LINGO2: variants seen among roughly 807,000 people sequenced by gnomAD.
The protein encoded by LINGO2 is leucine rich repeat and Ig domain containing 2, also known as leucine-rich repeat and immunoglobulin-like domain-containing nogo receptor-interacting protein 2.
A neutral mutation model predicts 30.6 loss-of-function variants in LINGO2; 14 were observed. That is an observed-to-expected ratio of 0.46 (90% CI 0.30 to 0.72). The LOEUF is 0.72. LINGO2 is among the 30% of genes least tolerant of loss of function. The pLI, the probability that LINGO2 is intolerant of heterozygous loss-of-function variation, is 0.07. For synonymous variants in LINGO2, 317 were observed against 288.5 expected, an observed-to-expected ratio of 1.10 and a Z score of -1.00; for missense variants, 729 against 751.7, an observed-to-expected ratio of 0.97 and a Z score of 0.35.
chr9:29,067,570 G>A, the LINGO2 span, among the ~76,000 whole-genome samples: 1 of 151,402 alleles, frequency 6.6e-6, no homozygotes. Flanking sequence ...AAGGAAAAGT[G>A]AACACGCAAA....
the LINGO2 span, among the ~76,000 whole-genome samples, chr9:28,764,578 C>G: frequency 2.0e-5 from 3 of 151,918 alleles, no homozygotes; most frequent in African/African-American, 7.3e-5. Context: ...AGCTTTTCCT[C>G]TAGTATTTGG....
At chr9:29,169,520 G>GA in the LINGO2 span, among the ~76,000 whole-genome samples, 5 of 150,070 alleles carry the variant, frequency 3.3e-5, no homozygotes, top group African/African-American at 7.3e-5. Context: ...ACAAACATAT[G>GA]AAAAAAAAAT....
chr9:28,410,075 CA>C (rs951290807), intron 2 of LINGO2, among the ~76,000 whole-genome samples: 1 of 109,588 alleles, frequency 9.1e-6, no homozygotes, highest in Admixed American at 1.1e-4. Context: ...AAAGGAAGAA[CA>C]AAAAAAGAAA....
chr9:28,306,832 A>G (rs1482577023), intron 3 of LINGO2, among the ~76,000 whole-genome samples: 2 of 152,250 alleles, frequency 1.3e-5, no homozygotes, highest in Non-Finnish European at 2.9e-5. Flanking sequence ...AATGTAGAAG[A>G]AATGGATAAA....
the LINGO2 span, among the ~76,000 whole-genome samples, chr9:28,984,794 T>G: frequency 6.6e-6 from 1 of 152,166 alleles, no homozygotes; most frequent in African/African-American, 2.4e-5. Flanking sequence ...TTATCATTCA[T>G]GAATACAATG....
At chr9:28,773,438 G>C in the LINGO2 span, among the ~76,000 whole-genome samples, 1 of 151,860 alleles carries the variant, frequency 6.6e-6, no homozygotes, top group Non-Finnish European at 1.5e-5. Flanking sequence ...TATGGTGAGG[G>C]GTACTGTGTA....
intron 3 of LINGO2, among the ~76,000 whole-genome samples, chr9:28,336,135 T>C (rs1437864351): frequency 1.3e-5 from 2 of 152,172 alleles, no homozygotes; most frequent in African/African-American, 2.4e-5. Flanking sequence ...AGTAGATATG[T>C]AGTAGTGTCA....
At chr9:29,098,087 T>C in the LINGO2 span, among the ~76,000 whole-genome samples, 1 of 152,190 alleles carries the variant, frequency 6.6e-6, no homozygotes, top group East Asian at 1.9e-4. Flanking sequence ...ATGAATAAAA[T>C]ACCTAGGATC....
intron 4 of LINGO2, among the ~76,000 whole-genome samples, chr9:28,224,213 C>T (rs1323616203): frequency 1.3e-5 from 2 of 152,072 alleles, no homozygotes; most frequent in East Asian, 1.9e-4. Flanking sequence ...TACAGGTGCC[C>T]GCCACCATGC....
At chr9:28,354,370 T>C (rs981345355) in intron 3 of LINGO2, among the ~76,000 whole-genome samples, 16 of 152,142 alleles carry the variant, frequency 1.1e-4, no homozygotes, top group Non-Finnish European at 2.2e-4. Context: ...ATAAAGCAAA[T>C]ATGACATAAG....
chr9:27,958,052 G>T (rs146506467), intron 5 of LINGO2, among the ~76,000 whole-genome samples: 1 of 152,024 alleles, frequency 6.6e-6, no homozygotes, highest in African/African-American at 2.4e-5. Flanking sequence ...CAATTATTTG[G>T]TTTTTCACCA....
At chr9:28,364,978 T>A (rs1820602706) in intron 3 of LINGO2, among the ~76,000 whole-genome samples, 1 of 152,222 alleles carries the variant, frequency 6.6e-6, no homozygotes, top group African/African-American at 2.4e-5. Flanking sequence ...AATAGGATGC[T>A]TTTATTTGAG....
At chr9:28,612,307 C>T (rs1251461350) in intron 1 of LINGO2, among the ~76,000 whole-genome samples, 1 of 152,124 alleles carries the variant, frequency 6.6e-6, no homozygotes, top group Admixed American at 6.5e-5. Context: ...AAGTGATCGT[C>T]CCACCTCAGC....
rs573070705 is a variant in LINGO2 at position 28,327,686 on chromosome 9, A to ATATT, written c.-245-32324_-245-32321dup. On this transcript the variant is annotated intron_variant, in intron 3 of 5. Coordinates refer to ENST00000379992, the Ensembl canonical transcript of LINGO2. The stretch of plus-strand genomic sequence containing the variant: ...TCATCTTTGTGCTAACATCTAATTG[A>ATATT]TATTATACATATATGGGCTTTGTAT... Among the ~76,000 whole-genome samples the ATATT allele has an allele frequency of 5.3e-3, 808 of 152,322 alleles. 9 individuals carry two copies. Among genetic ancestry groups the ATATT allele is most frequent in the African/African-American group, 0.018 (735 of 41,564 alleles).
chr9:29,102,562 G>C, the LINGO2 span, among the ~76,000 whole-genome samples: 1 of 152,144 alleles, frequency 6.6e-6, no homozygotes, highest in East Asian at 1.9e-4. Context: ...AATGAGGTTT[G>C]AGTTTCATTT....
the LINGO2 span, among the ~76,000 whole-genome samples, chr9:29,137,949 T>G: frequency 1.3e-5 from 2 of 152,052 alleles, no homozygotes; most frequent in East Asian, 3.8e-4. Context: ...TATATTATCA[T>G]GTAAAGTGCT....
chr9:28,961,379 T>C, the LINGO2 span, among the ~76,000 whole-genome samples: 1 of 152,176 alleles, frequency 6.6e-6, no homozygotes, highest in African/African-American at 2.4e-5. Flanking sequence ...TAGGATTTCA[T>C]AGCCAGGGAA....
chr9:27,980,999 A>G (rs1028552955), intron 5 of LINGO2, among the ~76,000 whole-genome samples: 3 of 151,890 alleles, frequency 2.0e-5, no homozygotes, highest in Admixed American at 2.0e-4. Flanking sequence ...GTTGATCAAT[A>G]TTGATATTGC....
intron 4 of LINGO2, among the ~76,000 whole-genome samples, chr9:28,106,278 G>A (rs1188356025): frequency 6.6e-6 from 1 of 152,076 alleles, no homozygotes; most frequent in African/African-American, 2.4e-5. Flanking sequence ...GGCAGCATGA[G>A]CAGACTAAGG....
Sources: allele counts gnomAD v4.1 joint callset (sites outside exome capture counted in the v4.1 genomes callset), GRCh38; gene constraint gnomAD v4.1.1; transcripts MANE v1.5; gene names NCBI Gene and HGNC (gene_info 2026-07-23, HGNC 2026-07-21).